GUCY1A2: variants seen among roughly 807,000 people sequenced by gnomAD.
GUCY1A2 encodes guanylate cyclase soluble subunit alpha-2.
Under a neutral mutation model 63.5 loss-of-function variants are expected in GUCY1A2, and 27 were observed. The observed-to-expected ratio is 0.43, with a 90% confidence interval of 0.31 to 0.59. GUCY1A2 has a LOEUF of 0.59. GUCY1A2 is among the 20% of genes least tolerant of loss of function. The pLI, the probability that GUCY1A2 is intolerant of heterozygous loss-of-function variation, is 0.11. For synonymous variants in GUCY1A2, 364 were observed against 343.5 expected (o/e 1.06, Z -0.66); for missense variants, 768 against 913.3 (o/e 0.84, Z 2.05).
chr11:106,926,299 C>G lies in GUCY1A2; in HGVS notation c.1206+13161G>C, dbSNP rs111914868. Among the ~76,000 whole-genome samples the G allele has an allele frequency of 1.8e-3, 270 of 151,908 alleles. 1 individual carries two copies. The highest frequency in any genetic ancestry group is 6.2e-3 in the African/African-American group (258 of 41,438). On this transcript the variant is annotated intron_variant, in intron 4 of 7. Transcript: ENST00000526355. ...ATAATAATACAAAATTTAGCTGGGCCTAGGGGTGCACACCTGTAGTCCCAG... is the reference window on the plus strand; with the variant it reads ...ATAATAATACAAAATTTAGCTGGGCGTAGGGGTGCACACCTGTAGTCCCAG...
At chr11:106,953,193 A>C (rs1271949366) in intron 3 of GUCY1A2, among the ~76,000 whole-genome samples, 1 of 152,150 alleles carries the variant, frequency 6.6e-6, no homozygotes, top group Non-Finnish European at 1.5e-5. Context: ...ATTTTGAGAT[A>C]TGTTCCATCA....
chr11:106,757,624 T>C (rs1185595020), intron 6 of GUCY1A2, among the ~76,000 whole-genome samples: 1 of 152,168 alleles, frequency 6.6e-6, no homozygotes, highest in African/African-American at 2.4e-5. Context: ...TGCAGGTGTA[T>C]TGGAGTTTGC....
intron 3 of GUCY1A2, among the ~76,000 whole-genome samples, chr11:106,947,699 G>A (rs902694650): frequency 6.6e-6 from 1 of 151,904 alleles, no homozygotes; most frequent in Non-Finnish European, 1.5e-5. Flanking sequence ...ATATATTTGA[G>A]AGTTAAGCAA....
At chr11:106,801,383 G>A (rs1292942203) in intron 5 of GUCY1A2, among the ~76,000 whole-genome samples, 1 of 152,070 alleles carries the variant, frequency 6.6e-6, no homozygotes, top group Non-Finnish European at 1.5e-5. Context: ...AGTTGTTGGA[G>A]AGACCGTACC....
chr11:107,008,473 C>G (rs139314170), intron 1 of GUCY1A2, among the ~76,000 whole-genome samples: 1 of 151,972 alleles, frequency 6.6e-6, no homozygotes, highest in Admixed American at 6.6e-5. Flanking sequence ...ACAGAACAGT[C>G]AGATAAAATA....
intron 4 of GUCY1A2, chr11:106,827,756 A>T: frequency 6.6e-7 from 1 of 1,525,836 alleles, no homozygotes; most frequent in Non-Finnish European, 9.1e-7. Context: ...CTTTCATAAC[A>T]GGAGAAGCTG....
At chr11:106,804,205 A>G (rs531072875) in intron 5 of GUCY1A2, among the ~76,000 whole-genome samples, 121 of 152,342 alleles carry the variant, frequency 7.9e-4, no homozygotes, top group African/African-American at 2.8e-3. Flanking sequence ...CTTATTTCCT[A>G]ATTAGAAAAC....
intron 4 of GUCY1A2, among the ~76,000 whole-genome samples, chr11:106,862,492 C>CA (rs11406839): frequency 0.89 from 135,146 of 151,922 alleles, 60,201 homozygotes; most frequent in East Asian, 1. Flanking sequence ...AAAAAACAAA[C>CA]AACAAACAAA....
At chr11:107,002,604 G>A (rs1679278487) in intron 1 of GUCY1A2, among the ~76,000 whole-genome samples, 1 of 152,024 alleles carries the variant, frequency 6.6e-6, no homozygotes, top group African/African-American at 2.4e-5. Flanking sequence ...CTATTGATAA[G>A]ACAATCCAAA....
intron 6 of GUCY1A2, among the ~76,000 whole-genome samples, chr11:106,730,376 T>C (rs1485420143): frequency 6.6e-6 from 1 of 151,962 alleles, no homozygotes; most frequent in East Asian, 1.9e-4. Context: ...TATTTGGTTT[T>C]CTGTTCCTGT....
intron 6 of GUCY1A2, among the ~76,000 whole-genome samples, chr11:106,722,960 T>G (rs1413821057): frequency 6.6e-6 from 1 of 152,196 alleles, no homozygotes; most frequent in Non-Finnish European, 1.5e-5. Context: ...AAGCAATATC[T>G]TCAATAGCAA....
At chr11:106,726,510 T>C (rs1045937895) in intron 6 of GUCY1A2, among the ~76,000 whole-genome samples, 1 of 152,154 alleles carries the variant, frequency 6.6e-6, no homozygotes, top group Non-Finnish European at 1.5e-5. Context: ...CATTGGCAGA[T>C]TGTATTTCTG....
chr11:106,731,082 C>T (rs958096277), intron 6 of GUCY1A2, among the ~76,000 whole-genome samples: 49 of 152,130 alleles, frequency 3.2e-4, no homozygotes, highest in African/African-American at 1.2e-3. Flanking sequence ...TTTTGGTGTG[C>T]AGATCTTTAG....
chr11:106,858,850 G>T (rs1488830606), intron 4 of GUCY1A2, among the ~76,000 whole-genome samples: 2 of 151,964 alleles, frequency 1.3e-5, no homozygotes, highest in Non-Finnish European at 2.9e-5. Context: ...TTAGATAACA[G>T]GTTTTCAGAA....
intron 6 of GUCY1A2, among the ~76,000 whole-genome samples, chr11:106,771,103 AT>A (rs1259679347): frequency 6.6e-6 from 1 of 152,130 alleles, no homozygotes; most frequent in Non-Finnish European, 1.5e-5. Context: ...CATACTCAAT[AT>A]TCTTCAAAAG....
At chr11:106,896,986 A>G (rs936587367) in intron 4 of GUCY1A2, among the ~76,000 whole-genome samples, 5 of 152,192 alleles carry the variant, frequency 3.3e-5, no homozygotes, top group Admixed American at 6.6e-5. Flanking sequence ...TGAGACTAAT[A>G]AAATGATTAT....
At chr11:106,704,873 ATAT>A (rs1335445482) in intron 7 of GUCY1A2, among the ~76,000 whole-genome samples, 1 of 150,282 alleles carries the variant, frequency 6.7e-6, no homozygotes, top group Non-Finnish European at 1.5e-5. Flanking sequence ...CAGTAAAGTA[ATAT>A]TAGTATATAT....
intron 5 of GUCY1A2, among the ~76,000 whole-genome samples, chr11:106,792,206 T>G (rs1370044599): frequency 2.6e-5 from 4 of 152,014 alleles, no homozygotes; most frequent in South Asian, 2.1e-4. Flanking sequence ...GCCAACATAG[T>G]GAAACCCCAT....
chr11:106,858,049 C>T (rs1210914311), intron 4 of GUCY1A2, among the ~76,000 whole-genome samples: 3 of 152,240 alleles, frequency 2.0e-5, no homozygotes, highest in Admixed American at 1.3e-4. Flanking sequence ...TGACAACCAA[C>T]CTGAAAGGCA....
Sources: gnomAD v4.1 joint callset for allele counts (sites outside exome capture counted in the v4.1 genomes callset) on GRCh38, gnomAD v4.1.1 for gene constraint, MANE v1.5 for transcripts, NCBI Gene and HGNC (gene_info 2026-07-23, HGNC 2026-07-21) for gene names.